The following STRN3 variants were observed in gnomAD, a reference collection of about 807,000 sequenced individuals.
STRN3 encodes striatin-3.
Under a neutral mutation model 95.6 loss-of-function variants are expected in STRN3, and 29 were observed. That is an observed-to-expected ratio of 0.30 (90% CI 0.23 to 0.41). The LOEUF (loss-of-function observed/expected upper bound fraction) is 0.41, where lower values mean the gene tolerates loss of function less well. Among genes scored for constraint, STRN3 ranks in the 10% least tolerant of loss-of-function variants. STRN3 has a pLI of 1.00. For synonymous variants in STRN3, 331 were observed against 357.6 expected, an observed-to-expected ratio of 0.93 and a Z score of 0.84; for missense variants, 890 against 972.1, an observed-to-expected ratio of 0.92 and a Z score of 1.12.
chr14:30,898,585 C>G (rs1314152375), intron 16 of STRN3, among the ~76,000 whole-genome samples: 1 of 152,154 alleles, frequency 6.6e-6, no homozygotes, highest in African/African-American at 2.4e-5. Flanking sequence ...CAATGCTGGA[C>G]CAAGTTGTAT....
In STRN3 at chr14:30,929,323, A is replaced by G. The variant is rs1378665161; in HGVS notation, c.989-12T>C. 1.9e-6 allele frequency: 3 copies of G among 1,607,182 alleles called. No individual in the cohort carries two copies. The highest frequency in any genetic ancestry group is 2.6e-6 in the Non-Finnish European group (3 of 1,175,694). On this transcript the variant is annotated splice_polypyrimidine_tract_variant and intron_variant, in intron 7 of 17. Coordinates refer to ENST00000357479, the MANE Select transcript of STRN3 (RefSeq NM_001083893.2). The stretch of plus-strand genomic sequence containing the variant: ...GAGGTCATCTTTATCTACATGCAGC[A>G]TATTATTAAAAGAAAAAAAATCAGC...
intron 16 of STRN3, 31 bp downstream of exon 16, chr14:30,902,505 T>C (rs777481786): frequency 2.1e-6 from 3 of 1,399,618 alleles, no homozygotes; most frequent in Admixed American, 3.8e-5. Flanking sequence ...TTTACAGTAT[T>C]ACTAATATGA....
intron 1 of STRN3, among the ~76,000 whole-genome samples, chr14:30,985,216 G>A (rs1881622788): frequency 6.6e-6 from 1 of 151,420 alleles, no homozygotes; most frequent in Non-Finnish European, 1.5e-5. Context: ...GCTGAGGTAG[G>A]AGAATCGCTT....
intron 1 of STRN3, among the ~76,000 whole-genome samples, chr14:31,005,596 A>C (rs1164225071): frequency 6.6e-6 from 1 of 152,216 alleles, no homozygotes; most frequent in Non-Finnish European, 1.5e-5. Flanking sequence ...TCTTCTCACA[A>C]TACTAATGGA....
At chr14:31,019,766 A>C (rs1046102351) in intron 1 of STRN3, among the ~76,000 whole-genome samples, 2 of 152,224 alleles carry the variant, frequency 1.3e-5, no homozygotes, top group African/African-American at 4.8e-5. Context: ...AATATATGCA[A>C]AGGGGACTAT....
rs71112349 is a variant in STRN3 at position 30,900,443 on chromosome 14, CG to C, written c.2137+2092del. Among the ~76,000 whole-genome samples, 9 of 52,382 alleles carry C rather than the reference CG, an allele frequency of 1.7e-4. 1 individual carries two copies. Among genetic ancestry groups the C allele is most frequent in the Admixed American group, 2.4e-4 (1 of 4,138 alleles). 34.4% of individuals were successfully genotyped at this position (52,382 alleles called of 152,430 possible). On this transcript the variant is annotated intron_variant, in intron 16 of 17. Transcript: ENST00000357479. The stretch of plus-strand genomic sequence containing the variant: ...ATGTAACTCAACGGGGGGTGTGGGG[CG>C]GGGGGGGGCGGTGTGTGTGTGTGTT...
chr14:31,022,591 A>G (rs896942383), intron 1 of STRN3, among the ~76,000 whole-genome samples: 9 of 151,660 alleles, frequency 5.9e-5, no homozygotes, highest in South Asian at 2.1e-4. Context: ...AACTTTATTG[A>G]AATGTACTCA....
chr14:30,942,261 T>A (rs888476871), intron 5 of STRN3, among the ~76,000 whole-genome samples: 4 of 152,204 alleles, frequency 2.6e-5, no homozygotes, highest in African/African-American at 9.7e-5. Context: ...AGCCCTTCAC[T>A]GTCCTTTAGC....
chr14:30,915,407 G>C (rs541478230), intron 9 of STRN3, among the ~76,000 whole-genome samples: 12 of 152,172 alleles, frequency 7.9e-5, no homozygotes, highest in South Asian at 2.1e-4. Flanking sequence ...TCAGTTACTT[G>C]ATCTAAAATG....
At chr14:31,004,117 CTACAAAAAA>C (rs1428035034) in intron 1 of STRN3, among the ~76,000 whole-genome samples, 1 of 151,906 alleles carries the variant, frequency 6.6e-6, no homozygotes, top group Admixed American at 6.6e-5. Flanking sequence ...AACCCCATCT[CTACAAAAAA>C]TACAAAAAAT....
intron 16 of STRN3, among the ~76,000 whole-genome samples, chr14:30,899,199 A>T (rs1452768726): frequency 6.6e-6 from 1 of 152,118 alleles, no homozygotes; most frequent in South Asian, 2.1e-4. Context: ...CTGATACAAG[A>T]TCTTCCTCCC....
intron 1 of STRN3, among the ~76,000 whole-genome samples, chr14:30,989,097 G>A (rs1225691004): frequency 3.9e-5 from 6 of 152,152 alleles, no homozygotes; most frequent in African/African-American, 1.4e-4. Flanking sequence ...AGACTCATAT[G>A]AAAAGGAATT....
chr14:30,935,028 T>C (rs1878748866), intron 7 of STRN3, 135 bp downstream of exon 7: 1 of 1,182,466 alleles, frequency 8.5e-7, no homozygotes, highest in Non-Finnish European at 1.1e-6. Flanking sequence ...CTTGATATTA[T>C]TCAAAACCAC....
chr14:31,022,932 G>A (rs1883569942), intron 1 of STRN3, among the ~76,000 whole-genome samples: 1 of 152,140 alleles, frequency 6.6e-6, no homozygotes, highest in Non-Finnish European at 1.5e-5. Context: ...TAAGTTAGTA[G>A]GAGATATTTT....
Position 31,024,893 on chromosome 14 carries a change from G to T in STRN3, c.282+1011C>A, listed in dbSNP as rs141701043. Reference sequence around the variant, plus strand: ...AAAATAAACACAAATACCCAAGAAAGTTAAATAACCCTTTCAAAAAGATGC... The same window carrying T: ...AAAATAAACACAAATACCCAAGAAATTTAAATAACCCTTTCAAAAAGATGC... On this transcript the variant is annotated intron_variant, in intron 1 of 17. Transcript: ENST00000357479. Among the ~76,000 whole-genome samples the T allele has an allele frequency of 2.4e-4, 36 of 152,266 alleles. No homozygotes were observed. The East Asian group carries it at 6.4e-3, about 27-fold the overall frequency.
chr14:30,933,739 A>AC (rs1348756492), intron 7 of STRN3, among the ~76,000 whole-genome samples: 2 of 152,346 alleles, frequency 1.3e-5, no homozygotes, highest in Admixed American at 1.3e-4. Context: ...TTCTATTTCC[A>AC]CTTAGAAGAA....
chr14:30,985,115 A>C (rs1243339743), intron 1 of STRN3, among the ~76,000 whole-genome samples: 4 of 137,072 alleles, frequency 2.9e-5, no homozygotes, highest in Non-Finnish European at 6.3e-5. Flanking sequence ...TCAGGAGTTC[A>C]AGACCAGCCT....
In STRN3 at chr14:30,906,554, G is replaced by A. The variant is rs549789777; in HGVS notation, c.1888+323C>T. The stretch of plus-strand genomic sequence containing the variant: ...GTATGCTTGAGACTGTGATCCCTTC[G>A]GTCTTTGTGGGGTAGTCGTCTGGAA... On this transcript the variant is annotated intron_variant, in intron 14 of 17. Coordinates refer to ENST00000357479, the MANE Select transcript of STRN3 (RefSeq NM_001083893.2). Among the ~76,000 whole-genome samples the A allele has an allele frequency of 7.2e-5, 11 of 152,128 alleles. No homozygotes were observed. The East Asian group carries it at 1.4e-3, about 19-fold the overall frequency.
intron 1 of STRN3, among the ~76,000 whole-genome samples, chr14:30,976,376 T>A (rs762919201): frequency 6.6e-6 from 1 of 152,146 alleles, no homozygotes; most frequent in Non-Finnish European, 1.5e-5. Flanking sequence ...CCTTAGTGTG[T>A]CAAAATAGGA....
Sources: gnomAD v4.1 joint callset for allele counts (sites outside exome capture counted in the v4.1 genomes callset) on GRCh38, gnomAD v4.1.1 for gene constraint, MANE v1.5 for transcripts, NCBI Gene and HGNC (gene_info 2026-07-23, HGNC 2026-07-21) for gene names.